ZNF138: variants seen among roughly 807,000 people sequenced by gnomAD.
The protein encoded by ZNF138 is zinc finger protein 138 (clone pHZ-32).
ZNF138 carries 33 observed loss-of-function variants against 33.0 expected under a neutral mutation model. That is an observed-to-expected ratio of 1.00 (90% CI 0.76 to 1.34). The LOEUF is 1.34. Among genes scored for constraint, ZNF138 ranks in the 40% most tolerant of loss-of-function variants. The probability of loss-of-function intolerance (pLI) is 0.00; values close to 1 mark genes in which losing one functional copy is unlikely to be tolerated. For synonymous variants in ZNF138, 139 were observed against 120.4 expected, an observed-to-expected ratio of 1.15 and a Z score of -1.01; for missense variants, 360 against 370.8, an observed-to-expected ratio of 0.97 and a Z score of 0.24.
chr7:64,807,270 T>C (rs1787678317), intron 1 of ZNF138, among the ~76,000 whole-genome samples: 1 of 152,210 alleles, frequency 6.6e-6, no homozygotes, highest in Non-Finnish European at 1.5e-5. Context: ...CATGTGTCTT[T>C]AATTCCTCTA....
chr7:64,820,450 C>T (rs996739514), intron 3 of ZNF138, among the ~76,000 whole-genome samples: 2 of 151,742 alleles, frequency 1.3e-5, no homozygotes, highest in Non-Finnish European at 2.9e-5. Flanking sequence ...ACAGTTGCTT[C>T]AGCCTTCCAG....
chr7:64,800,598 T>C (rs1787061598), intron 1 of ZNF138, among the ~76,000 whole-genome samples: 1 of 152,200 alleles, frequency 6.6e-6, no homozygotes, highest in Non-Finnish European at 1.5e-5. Context: ...AGTATTTTAT[T>C]GAAGATTTTT....
the ZNF138 span, among the ~76,000 whole-genome samples, chr7:64,843,189 A>T: frequency 6.6e-6 from 1 of 152,220 alleles, no homozygotes; most frequent in Non-Finnish European, 1.5e-5. Context: ...CATTGTGTGT[A>T]TATACCACAT....
intron 1 of ZNF138, among the ~76,000 whole-genome samples, chr7:64,796,418 C>T (rs1171812283): frequency 6.6e-6 from 1 of 151,762 alleles, no homozygotes; most frequent in Non-Finnish European, 1.5e-5. Context: ...ATCAGCACTG[C>T]CACTCCCTGG....
intron 1 of ZNF138, among the ~76,000 whole-genome samples, chr7:64,798,486 C>A (rs1038646891): frequency 6.6e-6 from 1 of 152,172 alleles, no homozygotes; most frequent in Non-Finnish European, 1.5e-5. Context: ...TATTCCAGTA[C>A]CATTTTATTA....
chr7:64,831,395 G>A, intron 3 of ZNF138, 56 bp from the exon 4 acceptor site: 1 of 1,408,802 alleles, frequency 7.1e-7, no homozygotes, highest in East Asian at 2.3e-5. Flanking sequence ...GATTTGTAAA[G>A]TATATTCATC....
chr7:64,818,267 C>T (rs1358086499), intron 3 of ZNF138, among the ~76,000 whole-genome samples: 4 of 151,888 alleles, frequency 2.6e-5, no homozygotes, highest in Non-Finnish European at 2.9e-5. Flanking sequence ...ATTACAGGTG[C>T]GATCCACCAC....
intron 1 of ZNF138, among the ~76,000 whole-genome samples, chr7:64,807,036 A>G (rs1787657585): frequency 1.3e-5 from 2 of 152,254 alleles, no homozygotes; most frequent in Admixed American, 1.3e-4. Flanking sequence ...AACCACTTAA[A>G]GGTGTTCTTA....
the ZNF138 span, among the ~76,000 whole-genome samples, chr7:64,839,455 G>A: frequency 3.3e-5 from 5 of 152,084 alleles, no homozygotes; most frequent in Admixed American, 6.5e-5. Context: ...AGACACAGAC[G>A]TCTCTGAGTC....
chr7:64,828,318 A>G (rs1562922362), intron 3 of ZNF138, among the ~76,000 whole-genome samples: 1 of 152,130 alleles, frequency 6.6e-6, no homozygotes, highest in African/African-American at 2.4e-5. Context: ...TTGCAAAGCT[A>G]CATCTCACTA....
At position 64,832,265 on chromosome 7, in the gene ZNF138, C is replaced by T; in HGVS notation, c.*63C>T. On this transcript the variant is annotated 3_prime_UTR_variant, in exon 4 of 4. Coordinates refer to ENST00000307355, the MANE Select transcript of ZNF138 (RefSeq NM_001271639.2). ...AAGCCTACAAATGTGAAGAATGTGGCAAAGCCTTTAACCAGTTTTCAACCC... is the reference window on the plus strand; with the variant it reads ...AAGCCTACAAATGTGAAGAATGTGGTAAAGCCTTTAACCAGTTTTCAACCC... The T allele has an allele frequency of 1.2e-6, 2 of 1,600,348 alleles. No individual in the cohort carries two copies. Among genetic ancestry groups the T allele is most frequent in the Non-Finnish European group, 1.7e-6 (2 of 1,175,606 alleles).
chr7:64,827,836 T>A (rs1789764065), intron 3 of ZNF138, among the ~76,000 whole-genome samples: 2 of 152,172 alleles, frequency 1.3e-5, no homozygotes. Context: ...GTTAGATATT[T>A]TAGGGTATGC....
At chr7:64,815,772 T>A (rs557848654) in intron 3 of ZNF138, 119 bp downstream of exon 3, 1 of 961,122 alleles carries the variant, frequency 1.0e-6, no homozygotes, top group African/African-American at 1.7e-5. Flanking sequence ...CTGGAAAGCC[T>A]GAGTTTTTTA....
chr7:64,842,566 C>T, the ZNF138 span, among the ~76,000 whole-genome samples: 2 of 152,158 alleles, frequency 1.3e-5, no homozygotes, highest in African/African-American at 4.8e-5. Flanking sequence ...ACTTCTTGGT[C>T]ATTTTCTCTG....
intron 1 of ZNF138, among the ~76,000 whole-genome samples, chr7:64,797,136 C>T (rs1462636499): frequency 2.0e-5 from 3 of 151,358 alleles, no homozygotes; most frequent in Admixed American, 2.0e-4. Flanking sequence ...ATGAAAATAT[C>T]AGTTCCTCCT....
At chr7:64,854,459 T>C in the ZNF138 span, among the ~76,000 whole-genome samples, 5 of 152,236 alleles carry the variant, frequency 3.3e-5, no homozygotes, top group Non-Finnish European at 7.3e-5. Context: ...CAGGCTAGTC[T>C]TGAACTCCTG....
chr7:64,834,477 CAG>C (rs568514394), downstream of ZNF138, among the ~76,000 whole-genome samples: 13 of 152,208 alleles, frequency 8.5e-5, no homozygotes, highest in African/African-American at 2.9e-4. Context: ...AATATTTTTG[CAG>C]AGTTACAATT....
At chr7:64,857,938 T>C in the ZNF138 span, among the ~76,000 whole-genome samples, 1 of 152,206 alleles carries the variant, frequency 6.6e-6, no homozygotes, top group Non-Finnish European at 1.5e-5. Flanking sequence ...TAAAAAGCGT[T>C]TGATATTGTA....
intron 3 of ZNF138, among the ~76,000 whole-genome samples, chr7:64,829,145 G>A (rs1470996447): frequency 6.6e-6 from 1 of 152,110 alleles, no homozygotes; most frequent in East Asian, 1.9e-4. Context: ...GGAGAATGTT[G>A]TATGAGCTAT....
Sources: allele counts gnomAD v4.1 joint callset (sites outside exome capture counted in the v4.1 genomes callset), GRCh38; gene constraint gnomAD v4.1.1; transcripts MANE v1.5; gene names NCBI Gene and HGNC (gene_info 2026-07-23, HGNC 2026-07-21).